The following SYCP2L variants were observed in gnomAD, a reference collection of about 807,000 sequenced individuals.
The protein encoded by SYCP2L is synaptonemal complex protein 2-like.
SYCP2L carries 98 observed loss-of-function variants against 125.8 expected under a neutral mutation model. The ratio of observed to expected loss-of-function variants is 0.78; its 90% CI spans 0.66 to 0.92. The LOEUF is 0.92. Among genes scored for constraint, SYCP2L ranks in the 40% least tolerant of loss-of-function variants. The pLI is 0.00. For missense variants in SYCP2L, 842 were observed against 936.4 expected (o/e 0.90, Z 1.32); for synonymous variants, 317 against 325.4 (o/e 0.97, Z 0.28).
At chr6:10,899,921 T>A (rs1780349101) in intron 6 of SYCP2L, among the ~76,000 whole-genome samples, 1 of 152,248 alleles carries the variant, frequency 6.6e-6, no homozygotes. Flanking sequence ...TAAACTACTT[T>A]GATTTTTGTA....
chr6:10,893,287 T>C (rs1245303309), intron 2 of SYCP2L, among the ~76,000 whole-genome samples: 1 of 152,222 alleles, frequency 6.6e-6, no homozygotes, highest in South Asian at 2.1e-4. Flanking sequence ...CGTGCGCCAC[T>C]GCACCCGGCC....
chr6:10,959,737 C>T (rs1483653244), intron 26 of SYCP2L, among the ~76,000 whole-genome samples: 5 of 151,990 alleles, frequency 3.3e-5, no homozygotes, highest in South Asian at 2.1e-4. Context: ...GGCGTGGTGG[C>T]GCATGCCTGT....
At chr6:10,972,687 G>A (rs527381440) in intron 29 of SYCP2L, among the ~76,000 whole-genome samples, 1 of 152,154 alleles carries the variant, frequency 6.6e-6, no homozygotes, top group South Asian at 2.1e-4. Flanking sequence ...CCCCTCTTTC[G>A]CTTTTTATTT....
rs1480206833 is a variant in SYCP2L at position 10,942,324 on chromosome 6, G to A, written c.1814-135G>A. On this transcript the variant is annotated intron_variant, in intron 21 of 29. Transcript: ENST00000283141. ...AAGAATTCGTGTCCCGAAAGACACA[G>A]TCAGTAGATTTTTGTTTCACTTAGA... 3 of 602,414 alleles carry A rather than the reference G, an allele frequency of 5.0e-6. No homozygotes were observed. In the African/African-American group the frequency reaches 5.7e-5, roughly 11 times the overall value. The allele number at this position is 602,414 out of a possible 1,614,324, so 37.3% of individuals were successfully genotyped here.
chr6:10,940,509 G>A (rs2113375480), intron 21 of SYCP2L, among the ~76,000 whole-genome samples: 1 of 152,216 alleles, frequency 6.6e-6, no homozygotes, highest in South Asian at 2.1e-4. Flanking sequence ...AAAAAAGAAG[G>A]AAATCAGGCC....
chr6:10,898,403 C>T (rs1780297861), intron 5 of SYCP2L, among the ~76,000 whole-genome samples: 1 of 152,060 alleles, frequency 6.6e-6, no homozygotes. Context: ...ATTTCAGCTA[C>T]TTGGGAGGCT....
chr6:10,907,607 G>T lies in SYCP2L; in HGVS notation c.742G>T (p.Glu248Ter). 2 of 1,613,854 alleles carry T rather than the reference G, an allele frequency of 1.2e-6. No individual in the cohort carries two copies. Among genetic ancestry groups the T allele is most frequent in the South Asian group, 2.2e-5 (2 of 91,054 alleles). The stretch of plus-strand genomic sequence containing the variant: ...ACTGACGATTAAAAAATCAAGGGAT[G>T]AACTTGTCCATAAATGGTTTGATGA... ...CRLTIKKSRD[E>*]LVHKWFDDEV... Residue 248 changes from glutamate to a stop codon, truncating the protein, a stop_gained, in exon 10 of 30, where the codon GAA becomes TAA. Transcript: ENST00000283141. LOFTEE classifies it high-confidence loss of function.
chr6:10,946,220 TA>T (rs1202652770), intron 23 of SYCP2L, among the ~76,000 whole-genome samples: 1 of 152,186 alleles, frequency 6.6e-6, no homozygotes, highest in Admixed American at 6.6e-5. Context: ...TTGTATTTTT[TA>T]CCTCTACTCA....
At chr6:10,907,465 G>A (rs1245889079) in intron 9 of SYCP2L, 77 bp from the exon 10 acceptor site, 2 of 1,406,854 alleles carry the variant, frequency 1.4e-6, no homozygotes, top group East Asian at 2.3e-5. Flanking sequence ...CTTAGAGCAA[G>A]TGCTAAATCT....
intron 20 of SYCP2L, among the ~76,000 whole-genome samples, chr6:10,934,790 C>T (rs1356169286): frequency 6.6e-6 from 1 of 152,136 alleles, no homozygotes; most frequent in Non-Finnish European, 1.5e-5. Context: ...AACAGAATTT[C>T]TGATTTCCAA....
intron 6 of SYCP2L, among the ~76,000 whole-genome samples, chr6:10,900,673 G>A (rs1321035560): frequency 6.6e-6 from 1 of 152,050 alleles, no homozygotes; most frequent in Non-Finnish European, 1.5e-5. Context: ...CTCTTATAAG[G>A]GCACTCATCC....
chr6:10,935,569 G>A (rs1781078452), intron 21 of SYCP2L, among the ~76,000 whole-genome samples: 2 of 151,852 alleles, frequency 1.3e-5, no homozygotes, highest in Admixed American at 6.6e-5. Context: ...CTGTCACCCA[G>A]GCTGGAGTGC....
intron 14 of SYCP2L, among the ~76,000 whole-genome samples, chr6:10,923,976 G>T (rs997711132): frequency 6.6e-6 from 1 of 152,176 alleles, no homozygotes; most frequent in Non-Finnish European, 1.5e-5. Context: ...GAGCCACCAC[G>T]CCTGGCCTAC....
intron 24 of SYCP2L, 60 bp from the exon 25 acceptor site, chr6:10,956,076 G>C: frequency 2.9e-6 from 4 of 1,380,584 alleles, no homozygotes; most frequent in Non-Finnish European, 4.1e-6. Flanking sequence ...CTGATGAATT[G>C]AGCAAGTCTA....
rs369253739 is a variant in SYCP2L, at chr6:10,888,246, G to A, written c.9+1111G>A. Among the ~76,000 whole-genome samples the A allele has an allele frequency of 1.9e-4, 29 of 151,722 alleles. No homozygotes were observed. In the East Asian group the frequency reaches 3.1e-3, roughly 16 times the overall value. ...CGAGTAGCTGAGACTACAGGCGCGC[G>A]CCACCACGCCAGGGTAATTTTTGTA... On this transcript the variant is annotated intron_variant, in intron 1 of 29. Transcript: ENST00000283141.
At chr6:10,913,108 G>T (rs1323004745) in intron 14 of SYCP2L, among the ~76,000 whole-genome samples, 181 bp downstream of exon 14, 1 of 152,108 alleles carries the variant, frequency 6.6e-6, no homozygotes, top group Admixed American at 6.5e-5. Flanking sequence ...GTGACCTTGG[G>T]ATTAAATTAT....
At chr6:10,887,606 C>T (rs1485312446) in intron 1 of SYCP2L, among the ~76,000 whole-genome samples, 3 of 151,948 alleles carry the variant, frequency 2.0e-5, no homozygotes, top group Non-Finnish European at 2.9e-5. Context: ...AAGTTTGAGC[C>T]CACCCAGGGA....
At chr6:10,900,813 A>T (rs1208958402) in intron 6 of SYCP2L, among the ~76,000 whole-genome samples, 1 of 152,198 alleles carries the variant, frequency 6.6e-6, no homozygotes, top group Non-Finnish European at 1.5e-5. Flanking sequence ...CATCTATAGC[A>T]ACGACAGTTT....
rs756571391 is a variant in SYCP2L at position 10,927,375 on chromosome 6, C to A, written c.1440+8C>A. On this transcript the variant is annotated splice_region_variant and intron_variant, in intron 17 of 29. Coordinates refer to ENST00000283141, the MANE Select transcript of SYCP2L (RefSeq NM_001040274.3). ...CCTGCCTCTGATAGTCACGTAGGTT[C>A]TTTTCTATTTTCCCTAAGCATCGGC... is the stretch of plus-strand genomic sequence containing the variant. 1.9e-6 allele frequency: 3 copies of A among 1,604,748 alleles called. No homozygotes were observed. Among genetic ancestry groups the A allele is most frequent in the Non-Finnish European group, 2.6e-6 (3 of 1,173,302 alleles).
Sources: allele counts gnomAD v4.1 joint callset (sites outside exome capture counted in the v4.1 genomes callset), GRCh38; gene constraint gnomAD v4.1.1; transcripts MANE v1.5; gene names NCBI Gene and HGNC (gene_info 2026-07-23, HGNC 2026-07-21).